Variants in RIT2 observed in about 807,000 individuals in gnomAD.
RIT2 encodes GTP-binding protein Rit2.
In RIT2, 24 loss-of-function variants were observed where a neutral mutation model predicts 23.7. The observed-to-expected ratio is 1.01, with a 90% confidence interval of 0.73 to 1.43. The LOEUF is 1.43. Among genes scored for constraint, RIT2 ranks in the 40% most tolerant of loss-of-function variants. The pLI is 0.00. For synonymous variants in RIT2, 107 were observed against 91.1 expected, an observed-to-expected ratio of 1.17 and a Z score of -0.99; for missense variants, 236 against 266.9, an observed-to-expected ratio of 0.88 and a Z score of 0.81.
intron 1 of RIT2, among the ~76,000 whole-genome samples, chr18:43,082,184 A>G (rs1319624953): frequency 6.6e-6 from 1 of 152,094 alleles, no homozygotes; most frequent in Non-Finnish European, 1.5e-5. Context: ...ATTTGCATAG[A>G]GGTGTTTATA....
At chr18:42,770,775 T>C (rs511729) in intron 4 of RIT2, among the ~76,000 whole-genome samples, 147,654 of 150,262 alleles carry the variant, frequency 0.98, 72,618 homozygotes, top group Middle Eastern at 1. Context: ...TACAATCTTT[T>C]CACTGACACT....
chr18:43,033,794 A>G lies in RIT2; in HGVS notation c.160+17T>C. On this transcript the variant is annotated intron_variant, in intron 2 of 4. Coordinates refer to ENST00000326695, the MANE Select transcript of RIT2 (RefSeq NM_002930.4). The stretch of plus-strand genomic sequence containing the variant: ...TGTCTTTATTTGAGCTTACGGAGAA[A>G]GGAAGCTTCCACTTACCTATAGTAG... 1 of 1,571,234 alleles carries G rather than the reference A, an allele frequency of 6.4e-7. No individual in the cohort carries two copies. The highest frequency in any genetic ancestry group is 1.1e-5 in the South Asian group (1 of 89,258).
At chr18:43,113,944 T>A (rs997104422) in intron 1 of RIT2, among the ~76,000 whole-genome samples, 6 of 152,212 alleles carry the variant, frequency 3.9e-5, no homozygotes, top group Non-Finnish European at 8.8e-5. Context: ...TTTATTTCTT[T>A]CTTCCTCACT....
chr18:42,785,290 T>G (rs916758800), intron 4 of RIT2, among the ~76,000 whole-genome samples: 4 of 152,096 alleles, frequency 2.6e-5, no homozygotes, highest in Non-Finnish European at 5.9e-5. Context: ...GTTGATTACT[T>G]TTTTCATTCG....
intron 4 of RIT2, among the ~76,000 whole-genome samples, chr18:42,897,033 C>T (rs761174808): frequency 6.6e-6 from 1 of 152,142 alleles, no homozygotes; most frequent in Non-Finnish European, 1.5e-5. Flanking sequence ...TTCTCTATAC[C>T]TATCATAATC....
intron 1 of RIT2, among the ~76,000 whole-genome samples, chr18:43,046,661 A>G (rs1247090408): frequency 2.6e-5 from 4 of 152,194 alleles, no homozygotes; most frequent in African/African-American, 9.7e-5. Context: ...TTCTTAAAAT[A>G]TGGTAAAATA....
At chr18:42,877,121 A>G (rs1417357502) in intron 4 of RIT2, among the ~76,000 whole-genome samples, 1 of 151,862 alleles carries the variant, frequency 6.6e-6, no homozygotes, top group Non-Finnish European at 1.5e-5. Context: ...TGTGACAGAC[A>G]CTGACATTTT....
intron 4 of RIT2, among the ~76,000 whole-genome samples, chr18:42,842,094 A>T (rs927105027): frequency 6.6e-6 from 1 of 152,216 alleles, no homozygotes; most frequent in Non-Finnish European, 1.5e-5. Context: ...CTGATATGCA[A>T]CTAATTTGCC....
chr18:42,777,000 G>A (rs965365881), intron 4 of RIT2, among the ~76,000 whole-genome samples: 3 of 152,128 alleles, frequency 2.0e-5, no homozygotes, highest in Admixed American at 6.5e-5. Flanking sequence ...GGTGGTGGTA[G>A]AAAAGATGGA....
chr18:42,978,316 C>A (rs754896083), intron 2 of RIT2, among the ~76,000 whole-genome samples: 3 of 139,868 alleles, frequency 2.1e-5, no homozygotes, highest in Middle Eastern at 7.9e-3. Context: ...TTTTTTTTTT[C>A]TCTCTTTTAA....
chr18:42,902,888 T>C (rs1908513780), intron 4 of RIT2, among the ~76,000 whole-genome samples: 1 of 151,714 alleles, frequency 6.6e-6, no homozygotes, highest in Non-Finnish European at 1.5e-5. Context: ...CTTTAAGTAA[T>C]TTCATAATAT....
chr18:42,773,855 C>G lies in RIT2; in HGVS notation c.427-30135G>C, dbSNP rs931837539. On this transcript the variant is annotated intron_variant, in intron 4 of 4. Transcript: ENST00000326695. ...ATATACCATGTCTATCTCTATAACACAAAAGCTGGACTCTTCCTATATTTT... is the reference window on the plus strand; with the variant it reads ...ATATACCATGTCTATCTCTATAACAGAAAAGCTGGACTCTTCCTATATTTT... 2.0e-5 allele frequency among the ~76,000 whole-genome samples: 3 copies of G among 152,194 alleles called. No individual in the cohort carries two copies. In the South Asian group the frequency reaches 6.2e-4, roughly 32 times the overall value.
At chr18:43,083,036 A>G (rs1254979409) in intron 1 of RIT2, among the ~76,000 whole-genome samples, 1 of 152,190 alleles carries the variant, frequency 6.6e-6, no homozygotes, top group Admixed American at 6.5e-5. Context: ...GCAAAGTCTC[A>G]GGATACAAAT....
intron 1 of RIT2, among the ~76,000 whole-genome samples, chr18:43,048,568 A>C (rs1912304557): frequency 6.6e-6 from 1 of 152,202 alleles, no homozygotes; most frequent in Admixed American, 6.6e-5. Flanking sequence ...GGTTGTTATG[A>C]AAAGTAAGTG....
At chr18:43,017,111 C>T (rs947110048) in intron 2 of RIT2, among the ~76,000 whole-genome samples, 2 of 151,934 alleles carry the variant, frequency 1.3e-5, no homozygotes, top group Non-Finnish European at 2.9e-5. Context: ...ATTGAAAGTA[C>T]TGAGCGGTAT....
Position 42,743,731 on chromosome 18 carries a change from A to C in RIT2, c.427-11T>G. The stretch of plus-strand genomic sequence containing the variant: ...TTCTTCTGTAGAAACCTAAGGAAAA[A>C]ACAAATAATATTAAAAAGACAGAAA... On this transcript the variant is annotated splice_polypyrimidine_tract_variant and intron_variant, in intron 4 of 4. Coordinates refer to ENST00000326695, the MANE Select transcript of RIT2 (RefSeq NM_002930.4). 1 of 1,549,122 alleles carries C rather than the reference A, an allele frequency of 6.5e-7. No individual in the cohort carries two copies. Among genetic ancestry groups the C allele is most frequent in the Non-Finnish European group, 8.8e-7 (1 of 1,130,740 alleles).
chr18:42,926,640 T>A lies in RIT2; in HGVS notation c.235-2877A>T, dbSNP rs1909187344. On this transcript the variant is annotated intron_variant, in intron 3 of 4. Transcript: ENST00000326695. ...TCACAGAGAATATTGGATGATTGAA[T>A]AAATAAAAGTCCAACAGTTATTGTG... Among the ~76,000 whole-genome samples, 6 of 152,034 alleles carry A rather than the reference T, an allele frequency of 3.9e-5. No homozygotes were observed. The South Asian group carries it at 1.2e-3, about 31-fold the overall frequency.
At chr18:42,774,990 A>G (rs1259851672) in intron 4 of RIT2, among the ~76,000 whole-genome samples, 1 of 152,240 alleles carries the variant, frequency 6.6e-6, no homozygotes, top group Non-Finnish European at 1.5e-5. Flanking sequence ...TTCTCATTGC[A>G]AAATAAGCAA....
At chr18:42,752,574 C>T (rs1400797919) in intron 4 of RIT2, among the ~76,000 whole-genome samples, 1 of 152,102 alleles carries the variant, frequency 6.6e-6, no homozygotes, top group African/African-American at 2.4e-5. Context: ...TTCTTGCTGT[C>T]TCTCATGGGG....
Sources: allele counts gnomAD v4.1 joint callset (sites outside exome capture counted in the v4.1 genomes callset), GRCh38; gene constraint gnomAD v4.1.1; transcripts MANE v1.5; gene names NCBI Gene and HGNC (gene_info 2026-07-23, HGNC 2026-07-21).